DLGAP2: variants seen among roughly 807,000 people sequenced by gnomAD.
DLGAP2 encodes disks large-associated protein 2.
A neutral mutation model predicts 100.3 loss-of-function variants in DLGAP2; 26 were observed. The ratio of observed to expected loss-of-function variants is 0.26; its 90% CI spans 0.19 to 0.36. DLGAP2 has a LOEUF of 0.36. DLGAP2 is among the 10% of genes least tolerant of loss of function. The pLI, the probability that DLGAP2 is intolerant of heterozygous loss-of-function variation, is 1.00. For missense variants in DLGAP2, 1,858 were observed against 1,453.2 expected (o/e 1.28, Z -4.53); for synonymous variants, 886 against 630.1 (o/e 1.41, Z -6.08).
chr8:1,038,913 T>G (rs552518341), intron 2 of DLGAP2, among the ~76,000 whole-genome samples: 10 of 152,254 alleles, frequency 6.6e-5, no homozygotes, highest in Non-Finnish European at 1.5e-4. Context: ...GTTTCTCGGG[T>G]AACCCATCCA....
At chr8:1,020,282 C>A (rs1286698562) in intron 2 of DLGAP2, among the ~76,000 whole-genome samples, 1 of 152,160 alleles carries the variant, frequency 6.6e-6, no homozygotes, top group Non-Finnish European at 1.5e-5. Flanking sequence ...TAGAAAGTGA[C>A]CGTTAATTGC....
chr8:1,180,837 G>C (rs1327148129), intron 2 of DLGAP2, among the ~76,000 whole-genome samples: 1 of 151,984 alleles, frequency 6.6e-6, no homozygotes, highest in African/African-American at 2.4e-5. Context: ...TGCACGTCCT[G>C]TGCAAGGGCA....
In DLGAP2 at chr8:872,331, TTC is replaced by T. The variant is rs372945013; in HGVS notation, c.19-35579_19-35578del. ...AGAGGAAAGTTTTCTCTCACTTCTT[TTC>T]TTTTTTTTTTTTTTTTTGAGACAGA... On this transcript the variant is annotated intron_variant, in intron 1 of 14. Transcript: ENST00000637795. Among the ~76,000 whole-genome samples, 1,289 of 131,666 alleles carry T rather than the reference TTC, an allele frequency of 9.8e-3. 39 individuals carry two copies. The highest frequency in any genetic ancestry group is 0.032 in the African/African-American group (1,193 of 37,408). The allele number at this position is 131,666 out of a possible 152,430, so 86.4% of individuals were successfully genotyped here. A position where few individuals can be genotyped will look rare whatever the true frequency, so the allele number is the denominator to read the frequency against.
Position 1,378,416 on chromosome 8 carries a change from C to T in DLGAP2, c.106+119533C>T, listed in dbSNP as rs768600315. Among the ~76,000 whole-genome samples the T allele has an allele frequency of 7.4e-3, 959 of 129,756 alleles. 12 individuals carry two copies. Among genetic ancestry groups the T allele is most frequent in the African/African-American group, 0.025 (857 of 34,290 alleles). 85.1% of individuals were successfully genotyped at this position (129,756 alleles called of 152,430 possible). Reference sequence around the variant, plus strand: ...CCACACACACCTGACTTCGCCTGTCCGTCCTGCACACACCTGACCTCACCT... The same window carrying T: ...CCACACACACCTGACTTCGCCTGTCTGTCCTGCACACACCTGACCTCACCT... On this transcript the variant is annotated intron_variant, in intron 3 of 14. Transcript: ENST00000637795.
intron 2 of DLGAP2, among the ~76,000 whole-genome samples, chr8:922,020 C>T (rs1008210959): frequency 6.6e-6 from 1 of 152,230 alleles, no homozygotes; most frequent in Admixed American, 6.5e-5. Context: ...AGGTGTGTGG[C>T]ATGCTGGCCC....
In DLGAP2 at chr8:1,368,393, G is replaced by A. The variant is rs1460951704; in HGVS notation, c.106+109510G>A. On this transcript the variant is annotated intron_variant, in intron 3 of 14. Transcript: ENST00000637795. ...TGCATGTGCATATGTGCATGTGTGT[G>A]GGTATGTGTGTGTGCATGTATGTAT... Among the ~76,000 whole-genome samples the A allele has an allele frequency of 2.0e-5, 3 of 151,998 alleles. No homozygotes were observed. In the East Asian group the frequency reaches 5.8e-4, roughly 29 times the overall value.
intron 2 of DLGAP2, among the ~76,000 whole-genome samples, chr8:1,208,957 C>T (rs1009520927): frequency 6.6e-6 from 1 of 151,854 alleles, no homozygotes; most frequent in African/African-American, 2.4e-5. Flanking sequence ...AACCTCTACA[C>T]CTCTACAAGG....
intron 3 of DLGAP2, among the ~76,000 whole-genome samples, chr8:1,273,575 T>G (rs1041190739): frequency 6.6e-6 from 1 of 152,252 alleles, no homozygotes; most frequent in African/African-American, 2.4e-5. Context: ...AGACGTGCCG[T>G]GACGGCTTTA....
At chr8:1,203,705 A>G (rs984364342) in intron 2 of DLGAP2, among the ~76,000 whole-genome samples, 8 of 152,338 alleles carry the variant, frequency 5.3e-5, no homozygotes, top group Middle Eastern at 3.4e-3. Flanking sequence ...TTCTCGCTCT[A>G]TACCCAACCA....
chr8:1,352,072 C>T (rs1417297834), intron 3 of DLGAP2, among the ~76,000 whole-genome samples: 9 of 71,778 alleles, frequency 1.3e-4, no homozygotes, highest in African/African-American at 3.0e-4. Flanking sequence ...AACGGCCGTG[C>T]GGGTCCTGAC....
intron 1 of DLGAP2, among the ~76,000 whole-genome samples, chr8:879,896 C>T (rs888930418): frequency 1.3e-5 from 2 of 152,182 alleles, no homozygotes; most frequent in Non-Finnish European, 2.9e-5. Flanking sequence ...AGCACTTCTC[C>T]ATTCTCCTTC....
intron 1 of DLGAP2, among the ~76,000 whole-genome samples, chr8:799,515 G>T (rs1274946267): frequency 6.6e-6 from 1 of 152,194 alleles, no homozygotes; most frequent in Non-Finnish European, 1.5e-5. Context: ...GGCTGGCTCT[G>T]TGTACCTAAC....
At chr8:1,381,182 T>C (rs1269169787) in intron 3 of DLGAP2, 1 of 152,108 alleles carries the variant, frequency 6.6e-6, no homozygotes, top group East Asian at 1.9e-4. Flanking sequence ...GAACAGGTGC[T>C]TCCCCAGGAT....
At chr8:1,365,843 A>G (rs1056036857) in intron 3 of DLGAP2, among the ~76,000 whole-genome samples, 1 of 152,228 alleles carries the variant, frequency 6.6e-6, no homozygotes, top group African/African-American at 2.4e-5. Flanking sequence ...CGCAGCTCAG[A>G]CGTAAATACA....
chr8:1,116,124 G>T (rs1379999569), intron 2 of DLGAP2, among the ~76,000 whole-genome samples: 1 of 152,226 alleles, frequency 6.6e-6, no homozygotes, highest in African/African-American at 2.4e-5. Flanking sequence ...TGGAGATCTT[G>T]GCCTTGATGC....
Position 1,315,106 on chromosome 8 carries a change from C to A in DLGAP2, c.106+56223C>A, listed in dbSNP as rs182094520. On this transcript the variant is annotated intron_variant, in intron 3 of 14. Coordinates refer to ENST00000637795, the MANE Select transcript of DLGAP2 (RefSeq NM_001346810.2). ...TTTCAGAAGCGGCGACACCATAGAA[C>A]CGTATTTAGTAAGTAACATTTTGAG... 8.5e-5 allele frequency among the ~76,000 whole-genome samples: 13 copies of A among 152,312 alleles called. No individual in the cohort carries two copies. In the East Asian group the frequency reaches 1.4e-3, roughly 16 times the overall value.
chr8:977,487 C>T, intron 2 of DLGAP2, among the ~76,000 whole-genome samples: 1 of 152,218 alleles, frequency 6.6e-6, no homozygotes, highest in Non-Finnish European at 1.5e-5. Flanking sequence ...AAATATCTTT[C>T]TCCAGTAAGG....
chr8:952,380 C>T (rs549526268), intron 2 of DLGAP2, among the ~76,000 whole-genome samples: 8 of 152,274 alleles, frequency 5.3e-5, no homozygotes, highest in African/African-American at 1.9e-4. Context: ...TTATTTAGTG[C>T]TTCATTTAAA....
At chr8:1,532,041 G>C (rs945399232) in intron 4 of DLGAP2, among the ~76,000 whole-genome samples, 1 of 152,190 alleles carries the variant, frequency 6.6e-6, no homozygotes, top group African/African-American at 2.4e-5. Context: ...TCATAGGAAG[G>C]TGAGAGACAC....
Sources: allele counts gnomAD v4.1 joint callset (sites outside exome capture counted in the v4.1 genomes callset), GRCh38; gene constraint gnomAD v4.1.1; transcripts MANE v1.5; gene names NCBI Gene and HGNC (gene_info 2026-07-23, HGNC 2026-07-21).